Variants in EXOC1 observed in about 807,000 individuals in gnomAD.
The protein encoded by EXOC1 is SEC3-like 1.
In EXOC1, 67 loss-of-function variants were observed where a neutral mutation model predicts 107.7. The ratio of observed to expected loss-of-function variants is 0.62; its 90% CI spans 0.51 to 0.76. EXOC1 has a LOEUF of 0.76. Among genes scored for constraint, EXOC1 ranks in the 30% least tolerant of loss-of-function variants. The pLI is 0.00. For missense variants in EXOC1, 833 were observed against 1,055.7 expected, an observed-to-expected ratio of 0.79 and a Z score of 2.92; for synonymous variants, 348 against 353.5, an observed-to-expected ratio of 0.98 and a Z score of 0.17.
intron 8 of EXOC1, chr4:55,876,560 C>T (rs1722910877): frequency 3.1e-6 from 3 of 979,630 alleles, no homozygotes; most frequent in African/African-American, 3.5e-5. Flanking sequence ...TTTTGGCTGT[C>T]AGAATTACAG....
chr4:55,870,202 C>T (rs950769937), intron 5 of EXOC1, among the ~76,000 whole-genome samples: 1 of 152,244 alleles, frequency 6.6e-6, no homozygotes, highest in African/African-American at 2.4e-5. Context: ...TGGTATACCA[C>T]TGCTGCTTTC....
At chr4:55,860,890 C>A (rs1577690847) in intron 3 of EXOC1, among the ~76,000 whole-genome samples, 1 of 148,260 alleles carries the variant, frequency 6.7e-6, no homozygotes, top group Non-Finnish European at 1.5e-5. Flanking sequence ...CATGAGTAAA[C>A]ATAGAATCAC....
intron 3 of EXOC1, among the ~76,000 whole-genome samples, chr4:55,862,006 A>G (rs1283376134): frequency 6.6e-6 from 1 of 151,648 alleles, no homozygotes; most frequent in Non-Finnish European, 1.5e-5. Context: ...GTGAGCCGAG[A>G]TTGCGCCACT....
In EXOC1 at chr4:55,888,125, A is replaced by G. The variant is rs544771765; in HGVS notation, c.1331-763A>G. On this transcript the variant is annotated intron_variant, in intron 10 of 18. Coordinates refer to ENST00000381295, the MANE Select transcript of EXOC1 (RefSeq NM_001024924.2). ...TTTCACATCAACTTCTAATTTGAGT[A>G]TAGACTGTTTTTGCAAAATTAGCTC... Among the ~76,000 whole-genome samples, 46 of 152,314 alleles carry G rather than the reference A, an allele frequency of 3.0e-4. 1 individual carries two copies. Among genetic ancestry groups the G allele is most frequent in the African/African-American group, 1.0e-3 (42 of 41,570 alleles).
chr4:55,881,499 G>A (rs1723372358), intron 9 of EXOC1, among the ~76,000 whole-genome samples: 1 of 152,126 alleles, frequency 6.6e-6, no homozygotes, highest in South Asian at 2.1e-4. Context: ...AGGAGGTCCT[G>A]ACGACATGTG....
In EXOC1 at chr4:55,858,379, G is replaced by A. The variant is rs192310507; in HGVS notation, c.56G>A (p.Arg19His). The change falls in exon 2 of 19, where the codon CGC becomes CAC. Residue 19 changes from arginine to histidine, a missense_variant. Physicochemically the swap from Arg to His is conservative, Grantham distance 29 (BLOSUM62 0). Around this residue, in one of 2 missense-constraint regions of EXOC1, gnomAD observed 617 missense variants for 701.3 expected, o/e 0.88. Transcript: ENST00000381295. Reference sequence around the variant, plus strand: ...GACATTTTTACACCAAATGATGAACGCCTGCTGAGCATTGTGAATGTCTGC... The same window carrying A: ...GACATTTTTACACCAAATGATGAACACCTGCTGAGCATTGTGAATGTCTGC... ...QRDIFTPNDE[R>H]LLSIVNVCKA... The A allele has an allele frequency of 6.2e-7, 1 of 1,610,202 alleles. No homozygotes were observed. Among genetic ancestry groups the A allele is most frequent in the Non-Finnish European group, 8.5e-7 (1 of 1,178,310 alleles).
In EXOC1 at chr4:55,865,576, TA is replaced by T. The variant is rs1233391741; in HGVS notation, c.415+1191del. ...GGTTTAATTTGCTTCGAATGGCTTTTATTTTTTTTAACATTTCAGGGTTGAA... is the reference window on the plus strand; with the variant it reads ...GGTTTAATTTGCTTCGAATGGCTTTTTTTTTTTTAACATTTCAGGGTTGAA... On this transcript the variant is annotated intron_variant, in intron 4 of 18. Transcript: ENST00000381295. Among the ~76,000 whole-genome samples the T allele has an allele frequency of 5.9e-5, 9 of 152,318 alleles. No homozygotes were observed. The South Asian group carries it at 1.7e-3, about 28-fold the overall frequency.
intron 17 of EXOC1, among the ~76,000 whole-genome samples, chr4:55,901,275 A>T (rs190259305): frequency 1.3e-5 from 2 of 152,202 alleles, no homozygotes; most frequent in African/African-American, 4.8e-5. Flanking sequence ...CTGAAAAACA[A>T]TGTATTTCCT....
At chr4:55,877,393 C>A in intron 8 of EXOC1, 7 of 985,322 alleles carry the variant, frequency 7.1e-6, no homozygotes, top group Non-Finnish European at 8.4e-6. Context: ...CAATTTGAAT[C>A]TGCTCCAAGA....
intron 17 of EXOC1, 97 bp downstream of exon 17, chr4:55,899,981 A>G: frequency 9.3e-7 from 1 of 1,071,554 alleles, no homozygotes; most frequent in Non-Finnish European, 1.3e-6. Flanking sequence ...AAATTTTCTC[A>G]TGTGTTGGTG....
chr4:55,857,172 T>TC (rs1721063801), intron 1 of EXOC1, among the ~76,000 whole-genome samples: 1 of 99,280 alleles, frequency 1.0e-5, no homozygotes, highest in African/African-American at 4.0e-5. Context: ...TTTTTTCTTT[T>TC]TTTTTTTTTT....
At chr4:55,859,667 G>T (rs1425153643) in intron 2 of EXOC1, among the ~76,000 whole-genome samples, 1 of 152,006 alleles carries the variant, frequency 6.6e-6, no homozygotes, top group African/African-American at 2.4e-5. Context: ...CATGGTATTT[G>T]GTATAGGGTT....
chr4:55,891,501 A>G, intron 13 of EXOC1, 79 bp downstream of exon 13: 1 of 971,074 alleles, frequency 1.0e-6, no homozygotes, highest in Non-Finnish European at 1.6e-6. Context: ...TCACAATTTT[A>G]TGATCAGAAG....
Position 55,904,705 on chromosome 4 carries a change from A to G in EXOC1, c.*210A>G. ...TTATTTGCCCTATAGGTTGCATACT[A>G]ACTTAAGCATTCATGTCACCATAAA... On this transcript the variant is annotated 3_prime_UTR_variant, in exon 19 of 19. Transcript: ENST00000381295. The G allele has an allele frequency of 2.5e-6, 1 of 392,556 alleles. No individual in the cohort carries two copies. Among genetic ancestry groups the G allele is most frequent in the South Asian group, 9.3e-5 (1 of 10,808 alleles). 24.3% of individuals were successfully genotyped at this position (392,556 alleles called of 1,614,324 possible).
In EXOC1 at chr4:55,871,899, T is replaced by C; in HGVS notation, c.1015T>C (p.Leu339=). 1 of 1,613,904 alleles carries C rather than the reference T, an allele frequency of 6.2e-7. No homozygotes were observed. The highest frequency in any genetic ancestry group is 8.5e-7 in the Non-Finnish European group (1 of 1,179,832). ...ACAGCAACAGCAGCGATTCAGTGAT[T>C]TGCGAGAGCTTTTTGCCCGGAGACT... The part of the protein sequence containing the change: ...VKQQQQRFSD[L]RELFARRLAS... Residue 339 remains leucine, a synonymous_variant, in exon 8 of 19, where the codon TTG becomes CTG. Transcript: ENST00000381295.
chr4:55,898,312 A>T (rs1487813552), intron 16 of EXOC1, among the ~76,000 whole-genome samples: 3 of 152,230 alleles, frequency 2.0e-5, no homozygotes, highest in Non-Finnish European at 4.4e-5. Context: ...ATAAATCTTT[A>T]TAAACTAAAA....
chr4:55,871,237 T>G lies in EXOC1; in HGVS notation c.964+4T>G. 1 of 1,603,570 alleles carries G rather than the reference T, an allele frequency of 6.2e-7. No homozygotes were observed. On this transcript the variant is annotated splice_donor_region_variant and intron_variant, in intron 7 of 18. Transcript: ENST00000381295. The stretch of plus-strand genomic sequence containing the variant: ...ATGAATGTAGCTCTTCGACCAGGTA[T>G]GTTCATTAGAAATGACAAAAATGTG...
chr4:55,884,545 A>C (rs1215100750), intron 10 of EXOC1, among the ~76,000 whole-genome samples: 1 of 152,258 alleles, frequency 6.6e-6, no homozygotes, highest in African/African-American at 2.4e-5. Flanking sequence ...GGACAAAAAC[A>C]TTATTTGAAA....
At chr4:55,862,959 G>C (rs930353234) in intron 3 of EXOC1, among the ~76,000 whole-genome samples, 2 of 152,126 alleles carry the variant, frequency 1.3e-5, no homozygotes, top group Non-Finnish European at 2.9e-5. Context: ...GGAGTGCGGT[G>C]GCACAATCTT....
Sources: gnomAD v4.1 joint callset for allele counts (sites outside exome capture counted in the v4.1 genomes callset) on GRCh38, gnomAD v4.1.1 for gene constraint, gnomAD v4.1.1 regional missense constraint, MANE v1.5 for transcripts, NCBI Gene and HGNC (gene_info 2026-07-23, HGNC 2026-07-21) for gene names.